The following ITGAL variants were observed in gnomAD, a reference collection of about 807,000 sequenced individuals.
ITGAL encodes integrin alpha-L.
In ITGAL, 68 loss-of-function variants were observed where a neutral mutation model predicts 138.4. The ratio of observed to expected loss-of-function variants is 0.49; its 90% CI spans 0.40 to 0.60. The LOEUF (loss-of-function observed/expected upper bound fraction) is 0.60. Among genes scored for constraint, ITGAL ranks in the 20% least tolerant of loss-of-function variants. ITGAL has a pLI of 0.00. For synonymous variants in ITGAL, 561 were observed against 584.3 expected (o/e 0.96, Z 0.57); for missense variants, 1,256 against 1,478.6 (o/e 0.85, Z 2.47).
At chr16:30,519,998 T>C (rs760270161) in intron 30 of ITGAL, 31 bp downstream of exon 30, 3 of 1,478,542 alleles carry the variant, frequency 2.0e-6, no homozygotes, top group Non-Finnish European at 1.9e-6. Context: ...CAGGCATTGC[T>C]GAGACAGCCA....
At chr16:30,483,479 C>A (rs2050588373) in intron 7 of ITGAL, among the ~76,000 whole-genome samples, 1 of 152,198 alleles carries the variant, frequency 6.6e-6, no homozygotes, top group African/African-American at 2.4e-5. Flanking sequence ...ACATTGAAAT[C>A]TCACTTGGAT....
rs61734183 is a variant in ITGAL at position 30,484,178 on chromosome 16, G to A, written c.921G>A (p.Ala307=). ...ETLHKFASKP[A]SEFVKILDTF... is the part of the protein sequence containing the mutation. The stretch of plus-strand genomic sequence containing the variant: ...TCCACAAATTTGCATCAAAACCCGC[G>A]AGCGAGTTTGTGAAAATTCTGGACA... The change falls in exon 9 of 31, where the codon GCG becomes GCA. Residue 307 remains alanine (A), a synonymous_variant. Transcript: ENST00000356798. The A allele has an allele frequency of 2.1e-3, 3,359 of 1,613,996 alleles. 71 individuals carry two copies. The African/African-American group carries it at 0.04, about 19-fold the overall frequency.
chr16:30,494,218 C>G lies in ITGAL; in HGVS notation c.1220C>G (p.Thr407Ser), dbSNP rs747538286. Reference protein sequence around the residue: ...PEVRAGYLGYTVTWLPSRQKT... With the variant: ...PEVRAGYLGYSVTWLPSRQKT... ...CCCCACACACTTTCCTCAGGTTACA[C>G]CGTGACCTGGCTGCCCTCCCGGCAA... Residue 407 changes from threonine to serine, a missense_variant, in exon 12 of 31, where the codon ACC becomes AGC. By Grantham distance (58) the Thr-to-Ser change is moderately conservative. Coordinates refer to ENST00000356798, the MANE Select transcript of ITGAL (RefSeq NM_002209.3). This position sits in a 1 kb window ranked among gnomAD's most constrained non-coding sequence, Gnocchi z 4.2. 1 of 1,606,602 alleles carries G rather than the reference C, an allele frequency of 6.2e-7. No homozygotes were observed. The highest frequency in any genetic ancestry group is 1.3e-5 in the African/African-American group (1 of 74,972).
intron 2 of ITGAL, 167 bp from the exon 3 acceptor site, chr16:30,475,139 G>T: frequency 1.7e-6 from 1 of 575,164 alleles, no homozygotes; most frequent in Non-Finnish European, 3.2e-6. Context: ...GGCCTCATGC[G>T]AAAGTTACAG....
At position 30,496,081 on chromosome 16, in the gene ITGAL, T is replaced by C; in HGVS notation, c.1504-16T>C. 6.2e-7 allele frequency: 1 copy of C among 1,610,118 alleles called. No individual in the cohort carries two copies. Among genetic ancestry groups the C allele is most frequent in the Non-Finnish European group, 8.5e-7 (1 of 1,176,940 alleles). On this transcript the variant is annotated splice_polypyrimidine_tract_variant and intron_variant, in intron 13 of 30. Coordinates refer to ENST00000356798, the MANE Select transcript of ITGAL (RefSeq NM_002209.3). ...CTGAGTGACTTGGGTGTGACCTGTC[T>C]CTTGCTACTTCCTAGTTGGGGTTTG...
intron 17 of ITGAL, among the ~76,000 whole-genome samples, chr16:30,502,199 C>T (rs551137678): frequency 1.4e-4 from 21 of 149,466 alleles, no homozygotes; most frequent in Admixed American, 4.0e-4. Context: ...AGATTGAGAC[C>T]ATCCTGGCTA....
Position 30,506,800 on chromosome 16 carries a change from C to G in ITGAL, c.2452C>G (p.Gln818Glu). 6.2e-7 allele frequency: 1 copy of G among 1,613,952 alleles called. No individual in the cohort carries two copies. The highest frequency in any genetic ancestry group is 8.5e-7 in the Non-Finnish European group (1 of 1,179,926). ...SNLEEDAYWVQLDLHFPPGLS... is the reference protein window; with the variant it reads ...SNLEEDAYWVELDLHFPPGLS... ...CTTGGAAGAAGATGCTTACTGGGTC[C>G]AGCTGGACCTGCACTTCCCCCCGGG... is the stretch of plus-strand genomic sequence containing the variant. The change falls in exon 21 of 31, where the codon CAG (glutamine) becomes GAG (glutamate). Residue 818 changes from glutamine (Q) to glutamate (E), a missense_variant. Transcript: ENST00000356798.
intron 11 of ITGAL, among the ~76,000 whole-genome samples, chr16:30,489,887 G>T (rs530184741): frequency 6.6e-6 from 1 of 152,072 alleles, no homozygotes; most frequent in African/African-American, 2.4e-5. Flanking sequence ...AGTGAGTGGA[G>T]ATCACGCAGC....
At position 30,506,774 on chromosome 16, in the gene ITGAL, A is replaced by C; in HGVS notation, c.2426A>C (p.Asn809Thr). 1 of 1,613,796 alleles carries C rather than the reference A, an allele frequency of 6.2e-7. No individual in the cohort carries two copies. The highest frequency in any genetic ancestry group is 8.5e-7 in the Non-Finnish European group (1 of 1,179,894). ...ASLSVELSLS[N>T]LEEDAYWVQL... ...CTCTCTGTGGAGCTGAGCCTGAGTA[A>C]CTTGGAAGAAGATGCTTACTGGGTC... is the stretch of plus-strand genomic sequence containing the variant. The change falls in exon 21 of 31, where the codon AAC becomes ACC. Residue 809 changes from asparagine (N) to threonine (T), a missense_variant. Transcript: ENST00000356798.
chr16:30,485,519 G>A (rs2050634498), intron 9 of ITGAL, among the ~76,000 whole-genome samples: 1 of 151,808 alleles, frequency 6.6e-6, no homozygotes, highest in Non-Finnish European at 1.5e-5. Context: ...ACTGCGCCCA[G>A]CCTCTTTTCT....
intron 21 of ITGAL, among the ~76,000 whole-genome samples, chr16:30,507,878 T>C (rs954203286): frequency 6.6e-6 from 1 of 152,070 alleles, no homozygotes; most frequent in Non-Finnish European, 1.5e-5. Flanking sequence ...CTTGAATTAT[T>C]CTTTTTATTT....
intron 4 of ITGAL, chr16:30,477,215 C>T (rs2050484532): frequency 6.6e-6 from 1 of 152,114 alleles, no homozygotes; most frequent in South Asian, 2.1e-4. Context: ...ACTATTATAG[C>T]CAGGCATTGG....
In ITGAL at chr16:30,483,884, C is replaced by T. The variant is rs267604509; in HGVS notation, c.780C>T (p.Ile260=). Residue 260 remains isoleucine, a synonymous_variant, in exon 8 of 31, where the codon ATC becomes ATT. Coordinates refer to ENST00000356798, the MANE Select transcript of ITGAL (RefSeq NM_002209.3). ...GARPDATKVL[I]IITDGEATDS... is the part of the protein sequence containing the mutation. ...GGCCAGATGCCACCAAAGTGCTTAT[C>T]ATCATCACGGATGGGGAGGCCACTG... 2 of 1,614,124 alleles carry T rather than the reference C, an allele frequency of 1.2e-6. No homozygotes were observed. Among genetic ancestry groups the T allele is most frequent in the Non-Finnish European group, 1.7e-6 (2 of 1,180,006 alleles).
At chr16:30,501,339 G>C (rs1275968659) in intron 17 of ITGAL, among the ~76,000 whole-genome samples, 1 of 152,038 alleles carries the variant, frequency 6.6e-6, no homozygotes, top group Non-Finnish European at 1.5e-5. Flanking sequence ...ACTTTGGGAT[G>C]CCGAGGTGGG....
intron 4 of ITGAL, among the ~76,000 whole-genome samples, chr16:30,477,654 C>T (rs750554690): frequency 2.0e-5 from 3 of 151,584 alleles, no homozygotes; most frequent in African/African-American, 4.8e-5. Flanking sequence ...TTTGGGAGGC[C>T]GAGACAGGTG....
chr16:30,489,025 T>C, intron 9 of ITGAL, 57 bp from the exon 10 acceptor site: 9 of 1,464,018 alleles, frequency 6.1e-6, no homozygotes, highest in Non-Finnish European at 8.6e-6. Flanking sequence ...TGCCATGAAT[T>C]TTTTTCACTG....
chr16:30,494,170 C>G lies in ITGAL; in HGVS notation c.1214-42C>G. The G allele has an allele frequency of 6.6e-7, 1 of 1,511,204 alleles. No individual in the cohort carries two copies. Among genetic ancestry groups the G allele is most frequent in the African/African-American group, 1.4e-5 (1 of 73,328 alleles). 93.6% of individuals were successfully genotyped at this position (1,511,204 alleles called of 1,614,324 possible). ...CCTCTCCTGCTGGGTGTTCTTCCAG[C>G]ATCCTGTGTTCCTAACTCCACACCC... On this transcript the variant is annotated intron_variant, in intron 11 of 30. Transcript: ENST00000356798. The surrounding 1 kb of genome is among the most constrained non-coding windows in gnomAD (Gnocchi z 4.2).
At chr16:30,497,807 T>C (rs2050824672) in intron 15 of ITGAL, among the ~76,000 whole-genome samples, 1 of 149,178 alleles carries the variant, frequency 6.7e-6, no homozygotes, top group African/African-American at 2.5e-5. Context: ...ATTGGCCAGG[T>C]ATGGTGGTGC....
At chr16:30,473,848 T>G (rs2050427254) in intron 1 of ITGAL, 1 of 463,574 alleles carries the variant, frequency 2.2e-6, no homozygotes, top group South Asian at 1.6e-5. Flanking sequence ...CGCACCCGGC[T>G]CGGGGGCATC....
Sources: gnomAD v4.1 joint callset for allele counts (sites outside exome capture counted in the v4.1 genomes callset) on GRCh38, gnomAD v4.1.1 for gene constraint, Gnocchi (gnomAD v3.1) non-coding constraint, MANE v1.5 for transcripts, NCBI Gene and HGNC (gene_info 2026-07-23, HGNC 2026-07-21) for gene names.